TP53I3: variants seen among roughly 807,000 people sequenced by gnomAD.
TP53I3 encodes quinone oxidoreductase PIG3.
TP53I3 carries 32 observed loss-of-function variants against 27.7 expected under a neutral mutation model. The observed-to-expected ratio is 1.16, with a 90% CI of 0.87 to 1.55. The LOEUF (loss-of-function observed/expected upper bound fraction) is 1.55, where lower values mean the gene tolerates loss of function less well. TP53I3 is among the 40% of genes most tolerant of loss of function. The pLI, the probability that TP53I3 is intolerant of heterozygous loss-of-function variation, is 0.00. For synonymous variants in TP53I3, 138 were observed against 167.8 expected, an observed-to-expected ratio of 0.82 and a Z score of 1.37; for missense variants, 372 against 412.3, an observed-to-expected ratio of 0.90 and a Z score of 0.85.
At chr2:24,083,914 G>A (rs1665130395) in intron 1 of TP53I3, among the ~76,000 whole-genome samples, 1 of 152,194 alleles carries the variant, frequency 6.6e-6, no homozygotes, top group Non-Finnish European at 1.5e-5. Context: ...TGGGGAGTAA[G>A]TGTGCCCACA....
Position 24,077,553 on chromosome 2 carries a change from C to T in TP53I3, c.*26G>A. ...TTGCTCTGGAAAGGCCTGGGGTGGCCGCGTCCTGTCCTGCCCCATCCTCCT... is the reference window on the plus strand; with the variant it reads ...TTGCTCTGGAAAGGCCTGGGGTGGCTGCGTCCTGTCCTGCCCCATCCTCCT... On this transcript the variant is annotated 3_prime_UTR_variant, in exon 5 of 5. Coordinates refer to ENST00000238721, the MANE Select transcript of TP53I3 (RefSeq NM_004881.5). This position sits in a 1 kb window ranked among gnomAD's most constrained non-coding sequence, Gnocchi z 5.5. The T allele has an allele frequency of 6.3e-7, 1 of 1,594,980 alleles. No homozygotes were observed. Among genetic ancestry groups the T allele is most frequent in the Non-Finnish European group, 8.5e-7 (1 of 1,171,588 alleles).
Position 24,084,359 on chromosome 2 carries a change from GACA to G in TP53I3, c.-36_-34del. 5 of 1,367,232 alleles carry G rather than the reference GACA, an allele frequency of 3.7e-6. No homozygotes were observed. The highest frequency in any genetic ancestry group is 4.0e-6 in the Non-Finnish European group (4 of 1,004,598). The allele number at this position is 1,367,232 out of a possible 1,614,324, so 84.7% of individuals were successfully genotyped here. On this transcript the variant is annotated 5_prime_UTR_variant, in exon 1 of 5. Transcript: ENST00000238721. The surrounding 1 kb of genome is among the most constrained non-coding windows in gnomAD (Gnocchi z 8.4). ...GAGGACACAGGGCAGGGCAGGGCAG[GACA>G]GGACAGGGCAGGGCAGGGCAGGACA...
Position 24,084,390 on chromosome 2 carries a change from A to ACAGGACAGGACAGGGCAGGG in TP53I3, c.-65_-64insCCCTGCCCTGTCCTGTCCTG. 2.6e-6 allele frequency: 3 copies of ACAGGACAGGACAGGGCAGGG among 1,159,512 alleles called. No homozygotes were observed. The highest frequency in any genetic ancestry group is 3.6e-6 in the Non-Finnish European group (3 of 825,478). 71.8% of individuals were successfully genotyped at this position (1,159,512 alleles called of 1,614,324 possible). A position where few individuals can be genotyped will look rare whatever the true frequency, so the allele number is the denominator to read the frequency against. Reference sequence around the variant, plus strand: ...ACAGGGCAGGGCAGGGCAGGACAGGACAGGGCAGGGCAGGACAGGACAGGG... The same window carrying ACAGGACAGGACAGGGCAGGG: ...ACAGGGCAGGGCAGGGCAGGACAGGACAGGACAGGACAGGGCAGGGCAGGGCAGGGCAGGACAGGACAGGG... On this transcript the variant is annotated 5_prime_UTR_variant, in exon 1 of 5. Coordinates refer to ENST00000238721, the MANE Select transcript of TP53I3 (RefSeq NM_004881.5). The surrounding 1 kb of genome is among the most constrained non-coding windows in gnomAD (Gnocchi z 8.4).
At chr2:24,083,730 G>C (rs1424809042) in intron 1 of TP53I3, among the ~76,000 whole-genome samples, 1 of 152,188 alleles carries the variant, frequency 6.6e-6, no homozygotes, top group Non-Finnish European at 1.5e-5. Context: ...ACTGCCCGCT[G>C]TCAGCTCCGG....
intron 2 of TP53I3, among the ~76,000 whole-genome samples, chr2:24,081,692 T>G (rs1665009452): frequency 1.3e-5 from 1 of 78,610 alleles, no homozygotes; most frequent in Admixed American, 1.1e-4. Context: ...TTGATACTGT[T>G]TTTTTTTTTT....
At chr2:24,081,146 C>A in intron 2 of TP53I3, 115 bp from the exon 3 acceptor site, 1 of 181,780 alleles carries the variant, frequency 5.5e-6, no homozygotes, top group Non-Finnish European at 7.7e-6. Context: ...CAATCTTTTG[C>A]TTTTCCTTTT....
At position 24,077,626 on chromosome 2, in the gene TP53I3, C is replaced by T; in HGVS notation, c.952G>A (p.Glu318Lys). The T allele has an allele frequency of 6.2e-7, 1 of 1,613,966 alleles. No homozygotes were observed. Among genetic ancestry groups the T allele is most frequent in the Non-Finnish European group, 8.5e-7 (1 of 1,179,924 alleles). ...TEIQEAHKYM[E>K]ANKNIGKIVL... ...ATCTTGCCTATGTTCTTGTTGGCCT[C>T]CATGTACTTATGGGCCTCCTGGATT... The change falls in exon 5 of 5, where the codon GAG becomes AAG. Residue 318 changes from glutamate to lysine, a missense_variant. Coordinates refer to ENST00000238721, the MANE Select transcript of TP53I3 (RefSeq NM_004881.5). The surrounding 1 kb of genome is among the most constrained non-coding windows in gnomAD (Gnocchi z 5.5).
intron 2 of TP53I3, 41 bp from the exon 3 acceptor site, chr2:24,081,072 CT>C: frequency 6.4e-7 from 1 of 1,557,756 alleles, no homozygotes; most frequent in Non-Finnish European, 8.8e-7. Context: ...TTTGCAACTG[CT>C]ACACATTCCC....
chr2:24,084,238 A>T lies in TP53I3; in HGVS notation c.89T>A (p.Val30Asp). ...VAKPSPGEGE[V>D]LLKVAASALN... Reference sequence around the variant, plus strand: ...GGCGCTGGCCGCCACCTTCAGGAGGACTTCACCCTCCCCCGGGCTCGGCTT... The same window carrying T: ...GGCGCTGGCCGCCACCTTCAGGAGGTCTTCACCCTCCCCCGGGCTCGGCTT... Residue 30 changes from valine (V) to aspartate (D), a missense_variant, in exon 1 of 5, where the codon GTC becomes GAC. Transcript: ENST00000238721. The surrounding 1 kb of genome is among the most constrained non-coding windows in gnomAD (Gnocchi z 8.4). 1 of 1,613,978 alleles carries T rather than the reference A, an allele frequency of 6.2e-7. No homozygotes were observed. Among genetic ancestry groups the T allele is most frequent in the Non-Finnish European group, 8.5e-7 (1 of 1,179,956 alleles).
In TP53I3 at chr2:24,082,968, G is replaced by A. The variant is rs2150986462; in HGVS notation, c.323C>T (p.Pro108Leu). ...YVTVPEGLLM[P>L]IPEGLTLTQA... ...GGTCAGGGTCAATCCCTCTGGGATAGGCATGAGGAGCCCTTCGGGGACAGT... is the reference window on the plus strand; with the variant it reads ...GGTCAGGGTCAATCCCTCTGGGATAAGCATGAGGAGCCCTTCGGGGACAGT... Residue 108 changes from proline (P) to leucine (L), a missense_variant, in exon 2 of 5, where the codon CCT becomes CTT. Coordinates refer to ENST00000238721, the MANE Select transcript of TP53I3 (RefSeq NM_004881.5). 1 of 1,614,180 alleles carries A rather than the reference G, an allele frequency of 6.2e-7. No individual in the cohort carries two copies. Among genetic ancestry groups the A allele is most frequent in the South Asian group, 1.1e-5 (1 of 91,080 alleles).
intron 2 of TP53I3, among the ~76,000 whole-genome samples, chr2:24,082,219 C>A (rs1665037888): frequency 6.6e-6 from 1 of 152,188 alleles, no homozygotes; most frequent in Admixed American, 6.5e-5. Context: ...TGATCTTGAA[C>A]TCCTGGGCTC....
intron 2 of TP53I3, 125 bp from the exon 3 acceptor site, chr2:24,081,156 T>C: frequency 1.5e-6 from 1 of 670,792 alleles, no homozygotes; most frequent in Non-Finnish European, 2.2e-6. Context: ...CTTTTCCTTT[T>C]TTATTTGGTG....
chr2:24,082,099 G>C (rs1261617178), intron 2 of TP53I3, among the ~76,000 whole-genome samples: 1 of 152,150 alleles, frequency 6.6e-6, no homozygotes, highest in East Asian at 1.9e-4. Flanking sequence ...GGGCTCAGGT[G>C]ATCCTCCCAA....
intron 2 of TP53I3, among the ~76,000 whole-genome samples, chr2:24,082,611 A>C (rs1665052712): frequency 6.6e-6 from 1 of 152,140 alleles, no homozygotes; most frequent in Admixed American, 6.5e-5. Flanking sequence ...CCCCAGAGAG[A>C]AGCTCAGTAT....
At position 24,077,584 on chromosome 2, in the gene TP53I3, G is replaced by A. The variant is rs1463579551; in HGVS notation, c.994C>T (p.Gln332Ter). 1 of 1,612,956 alleles carries A rather than the reference G, an allele frequency of 6.2e-7. No individual in the cohort carries two copies. Among genetic ancestry groups the A allele is most frequent in the East Asian group, 2.2e-5 (1 of 44,842 alleles). Residue 332 changes from glutamine to a stop codon, truncating the protein, a stop_gained, in exon 5 of 5, where the codon CAG becomes TAG. Coordinates refer to ENST00000238721, the MANE Select transcript of TP53I3 (RefSeq NM_004881.5). LOFTEE classifies it high-confidence loss of function. This position sits in a 1 kb window ranked among gnomAD's most constrained non-coding sequence, Gnocchi z 5.5. ...CTGTCCTGCCCCATCCTCCTTCACTGGGGCAGTTCCAGGACGATCTTGCCT... is the reference window on the plus strand; with the variant it reads ...CTGTCCTGCCCCATCCTCCTTCACTAGGGCAGTTCCAGGACGATCTTGCCT... ...NIGKIVLELP[Q>*]
At chr2:24,078,276 T>C (rs11883704) in intron 4 of TP53I3, among the ~76,000 whole-genome samples, 380 of 152,224 alleles carry the variant, frequency 2.5e-3, no homozygotes, top group African/African-American at 8.9e-3. Flanking sequence ...TTATTGTTCT[T>C]TGTCTAAAAA....
chr2:24,077,903 G>A lies in TP53I3; in HGVS notation c.817-142C>T, dbSNP rs897629881. 3.6e-6 allele frequency: 3 copies of A among 830,538 alleles called. No individual in the cohort carries two copies. In the East Asian group the frequency reaches 7.8e-5, roughly 22 times the overall value. The allele number at this position is 830,538 out of a possible 1,614,324, so 51.4% of individuals were successfully genotyped here. A position where few individuals can be genotyped will look rare whatever the true frequency, so the allele number is the denominator to read the frequency against. On this transcript the variant is annotated intron_variant, in intron 4 of 4. Coordinates refer to ENST00000238721, the MANE Select transcript of TP53I3 (RefSeq NM_004881.5). This position sits in a 1 kb window ranked among gnomAD's most constrained non-coding sequence, Gnocchi z 5.5. Reference sequence around the variant, plus strand: ...CACTTAACCCCTCACTTCCTAGCATGTGTGTGAAATACCCTTGAAGGAGTC... The same window carrying A: ...CACTTAACCCCTCACTTCCTAGCATATGTGTGAAATACCCTTGAAGGAGTC...
chr2:24,082,330 G>A (rs1399262644), intron 2 of TP53I3, among the ~76,000 whole-genome samples: 1 of 152,134 alleles, frequency 6.6e-6, no homozygotes, highest in Non-Finnish European at 1.5e-5. Context: ...TCCTTCACAA[G>A]TCTACCCACC....
At position 24,084,101 on chromosome 2, in the gene TP53I3, C is replaced by T. The variant is rs559065950; in HGVS notation, c.138+88G>A. 1,950 of 1,500,656 alleles carry T rather than the reference C, an allele frequency of 1.3e-3. 6 individuals are homozygous for T. In the Middle Eastern group the frequency reaches 0.013, roughly 10 times the overall value. 93.0% of individuals were successfully genotyped at this position (1,500,656 alleles called of 1,614,324 possible). A position where few individuals can be genotyped will look rare whatever the true frequency, so the allele number is the denominator to read the frequency against. On this transcript the variant is annotated intron_variant, in intron 1 of 4. Transcript: ENST00000238721. The surrounding 1 kb of genome is among the most constrained non-coding windows in gnomAD (Gnocchi z 8.4). Reference sequence around the variant, plus strand: ...CCTGCTGGGTGTGGAGCGGTGCACGCCTTCACGTCTGGTCAATGTCCACTG... The same window carrying T: ...CCTGCTGGGTGTGGAGCGGTGCACGTCTTCACGTCTGGTCAATGTCCACTG...
Sources: allele counts gnomAD v4.1 joint callset (sites outside exome capture counted in the v4.1 genomes callset), GRCh38; gene constraint gnomAD v4.1.1; non-coding constraint Gnocchi (gnomAD v3.1); transcripts MANE v1.5; gene names NCBI Gene and HGNC (gene_info 2026-07-23, HGNC 2026-07-21).